NMUR2: variants seen among roughly 807,000 people sequenced by gnomAD.
NMUR2 encodes neuromedin-U receptor 2.
In NMUR2, 24 loss-of-function variants were observed where a neutral mutation model predicts 25.1. That is an observed-to-expected ratio of 0.96 (90% confidence interval 0.69 to 1.34). The LOEUF (loss-of-function observed/expected upper bound fraction) is 1.34. Ranked by LOEUF, NMUR2 falls within the 40% of genes most tolerant of loss-of-function variation. NMUR2 has a pLI of 0.00. For synonymous variants in NMUR2, 218 were observed against 208.1 expected (o/e 1.05, Z -0.41); for missense variants, 533 against 512.8 (o/e 1.04, Z -0.38).
chr5:152,398,224 A>C, intron 1 of NMUR2, 80 bp from the exon 2 acceptor site: 5 of 975,644 alleles, frequency 5.1e-6, no homozygotes, highest in African/African-American at 1.6e-5. Context: ...AACATAACTC[A>C]AACGCTCATT....
chr5:152,400,547 G>A (rs995443546), intron 1 of NMUR2, among the ~76,000 whole-genome samples: 15 of 152,058 alleles, frequency 9.9e-5, no homozygotes, highest in Non-Finnish European at 1.8e-4. Context: ...GTTACCACTC[G>A]CTCACAAAGA....
At chr5:152,403,149 C>A (rs112389917) in intron 1 of NMUR2, among the ~76,000 whole-genome samples, 2 of 150,976 alleles carry the variant, frequency 1.3e-5, no homozygotes, top group African/African-American at 2.4e-5. Context: ...GTTTTTTTTT[C>A]TTTTTTTAAA....
intron 2 of NMUR2, among the ~76,000 whole-genome samples, chr5:152,397,140 T>C (rs1289987506): frequency 6.6e-6 from 1 of 151,036 alleles, no homozygotes; most frequent in Non-Finnish European, 1.5e-5. Context: ...TCCAAGAAGA[T>C]AACTCTTAGA....
Position 152,392,392 on chromosome 5 carries a change from C to A in NMUR2, c.1047G>T (p.Trp349Cys), listed in dbSNP as rs1174091482. 1 of 1,613,974 alleles carries A rather than the reference C, an allele frequency of 6.2e-7. No homozygotes were observed. The highest frequency in any genetic ancestry group is 2.2e-5 in the East Asian group (1 of 44,868). ...GCAACTGTGGGTCATGCTGGGAGTGCCACTGTTTGTGGAAAGAAGAGATCA... is the reference window on the plus strand; with the variant it reads ...GCAACTGTGGGTCATGCTGGGAGTGACACTGTTTGTGGAAAGAAGAGATCA... ...QNVISSFHKQ[W>C]HSQHDPQLPP... Residue 349 changes from tryptophan (W) to cysteine (C), a missense_variant, in exon 4 of 4, where the codon TGG becomes TGT. Trp to Cys is a radical substitution (Grantham distance 215). Coordinates refer to ENST00000255262, the MANE Select transcript of NMUR2 (RefSeq NM_020167.5).
chr5:152,392,052 T>TAAA lies in NMUR2; in HGVS notation c.*136_*138dup, dbSNP rs57501761. 8.5e-5 allele frequency: 52 copies of TAAA among 611,352 alleles called. No individual in the cohort carries two copies. The highest frequency in any genetic ancestry group is 2.1e-4 in the South Asian group (8 of 38,708). 37.9% of individuals were successfully genotyped at this position (611,352 alleles called of 1,614,324 possible). A position where few individuals can be genotyped will look rare whatever the true frequency, so the allele number is the denominator to read the frequency against. ...TCTAACTCTCAGTTTTCACGTTTAT[T>TAAA]AAAAAAAAAAAAACTAGCAATGGGT... is the stretch of plus-strand genomic sequence containing the variant. On this transcript the variant is annotated 3_prime_UTR_variant, in exon 4 of 4. Coordinates refer to ENST00000255262, the MANE Select transcript of NMUR2 (RefSeq NM_020167.5).
chr5:152,392,555 A>T (rs905845722), intron 3 of NMUR2, 54 bp from the exon 4 acceptor site: 13 of 1,392,326 alleles, frequency 9.3e-6, no homozygotes, highest in Admixed American at 5.8e-5. Context: ...AGTGACCGGC[A>T]TGAAGGAAGA....
intron 3 of NMUR2, among the ~76,000 whole-genome samples, chr5:152,394,347 C>T (rs3828683): frequency 0.52 from 78,809 of 151,934 alleles, 20,746 homozygotes; most frequent in Middle Eastern, 0.59. Flanking sequence ...ACAGAAAATA[C>T]ATAGTATACA....
rs1215175448 is a variant in NMUR2 at position 152,404,391 on chromosome 5, G to C, written c.723C>G (p.Leu241=). The C allele has an allele frequency of 6.2e-7, 1 of 1,608,818 alleles. No individual in the cohort carries two copies. The highest frequency in any genetic ancestry group is 8.5e-7 in the Non-Finnish European group (1 of 1,176,390). ...VISVLYYLMA[L]RLKKDKSLEA... ...CCACCCCAGCCTAGATACTCACTCT[G>C]AGTGCCATGAGGTAGTAGAGGACAC... The change falls in exon 1 of 4, where the codon CTC becomes CTG. Residue 241 remains leucine (L), a synonymous_variant. Coordinates refer to ENST00000255262, the MANE Select transcript of NMUR2 (RefSeq NM_020167.5).
intron 3 of NMUR2, among the ~76,000 whole-genome samples, chr5:152,393,362 T>C (rs1184206900): frequency 6.6e-6 from 1 of 152,066 alleles, no homozygotes; most frequent in Non-Finnish European, 1.5e-5. Context: ...GTAAAACAAG[T>C]GATGGGTAAT....
intron 1 of NMUR2, among the ~76,000 whole-genome samples, chr5:152,398,597 T>C (rs1753203090): frequency 6.6e-6 from 1 of 152,146 alleles, no homozygotes; most frequent in South Asian, 2.1e-4. Context: ...GTATTTATTG[T>C]GGATCTTCTC....
chr5:152,397,222 G>A (rs986945665), intron 2 of NMUR2, among the ~76,000 whole-genome samples: 7 of 151,990 alleles, frequency 4.6e-5, no homozygotes, highest in Admixed American at 6.5e-5. Flanking sequence ...TACAGTGAAT[G>A]TTTCATATGC....
chr5:152,395,185 A>G (rs4958534), intron 3 of NMUR2, among the ~76,000 whole-genome samples: 22,028 of 152,174 alleles, frequency 0.14, 2,083 homozygotes, highest in Admixed American at 0.24. Flanking sequence ...AGGATAACCA[A>G]AGGAATCACT....
At chr5:152,393,375 T>C (rs1021928151) in intron 3 of NMUR2, among the ~76,000 whole-genome samples, 1 of 152,184 alleles carries the variant, frequency 6.6e-6, no homozygotes, top group Non-Finnish European at 1.5e-5. Context: ...TGGGTAATAT[T>C]GCCAAAAGGT....
intron 3 of NMUR2, among the ~76,000 whole-genome samples, chr5:152,395,156 T>C (rs1753127641): frequency 6.6e-6 from 1 of 152,140 alleles, no homozygotes; most frequent in Non-Finnish European, 1.5e-5. Context: ...AGAACCAATT[T>C]AATTGCATGG....
rs1044986630 is a variant in NMUR2, at chr5:152,392,515, G to A, written c.938-14C>T. ...AGAAGAAGACACCTGGAATGCAGGG[G>A]ATTTAAAAAGATGTGCTGAGAAGAA... is the stretch of plus-strand genomic sequence containing the variant. On this transcript the variant is annotated splice_polypyrimidine_tract_variant and intron_variant, in intron 3 of 3. Transcript: ENST00000255262. The A allele has an allele frequency of 1.3e-6, 2 of 1,595,752 alleles. No individual in the cohort carries two copies. Among genetic ancestry groups the A allele is most frequent in the Non-Finnish European group, 8.6e-7 (1 of 1,167,544 alleles).
At chr5:152,393,455 T>C (rs961239003) in intron 3 of NMUR2, among the ~76,000 whole-genome samples, 4 of 152,196 alleles carry the variant, frequency 2.6e-5, no homozygotes, top group African/African-American at 9.7e-5. Context: ...AGAATAAACA[T>C]GGAAGAATGT....
intron 2 of NMUR2, 83 bp downstream of exon 2, chr5:152,397,977 C>T: frequency 1.1e-6 from 1 of 922,160 alleles, no homozygotes; most frequent in Non-Finnish European, 1.7e-6. Flanking sequence ...TGGAACCTAC[C>T]CCAGCAGCAT....
intron 1 of NMUR2, 139 bp downstream of exon 1, chr5:152,404,248 AT>A: frequency 1.0e-6 from 1 of 979,308 alleles, no homozygotes; most frequent in South Asian, 1.8e-5. Context: ...TTAAGTCTCA[AT>A]TTCCCATCTG....
In NMUR2 at chr5:152,404,540, A is replaced by G; in HGVS notation, c.574T>C (p.Phe192Leu). 6.2e-7 allele frequency: 1 copy of G among 1,614,130 alleles called. No homozygotes were observed. ...CCTGGGACCAGGGACCCATTGGGGA[A>G]GTAGTGGAACTTGATGCCATGGATG... The part of the protein sequence containing the change: ...TSIHGIKFHY[F>L]PNGSLVPGSA... Residue 192 changes from phenylalanine to leucine, a missense_variant, in exon 1 of 4, where the codon TTC (phenylalanine) becomes CTC (leucine). Coordinates refer to ENST00000255262, the MANE Select transcript of NMUR2 (RefSeq NM_020167.5).
Sources: gnomAD v4.1 joint callset for allele counts (sites outside exome capture counted in the v4.1 genomes callset) on GRCh38, gnomAD v4.1.1 for gene constraint, MANE v1.5 for transcripts, NCBI Gene and HGNC (gene_info 2026-07-23, HGNC 2026-07-21) for gene names.